The following ABCC12 variants were observed in gnomAD, a reference collection of about 807,000 sequenced individuals.
ABCC12 encodes ATP-binding cassette sub-family C member 12.
ABCC12 carries 142 observed loss-of-function variants against 151.1 expected under a neutral mutation model. The ratio of observed to expected loss-of-function variants is 0.94; its 90% CI spans 0.82 to 1.08. ABCC12 has a LOEUF of 1.08. ABCC12 is among the 50% of genes least tolerant of loss of function. The pLI is 0.00. For missense variants in ABCC12, 1,638 were observed against 1,691.1 expected, an observed-to-expected ratio of 0.97 and a Z score of 0.55; for synonymous variants, 645 against 646.4, an observed-to-expected ratio of 1.00 and a Z score of 0.03.
At chr16:48,154,526 C>T (rs763508265) in intron 1 of ABCC12, among the ~76,000 whole-genome samples, 1 of 152,178 alleles carries the variant, frequency 6.6e-6, no homozygotes, top group African/African-American at 2.4e-5. Flanking sequence ...TCCTTACTGT[C>T]TCTGTGACTC....
chr16:48,114,114 G>A (rs1222278723), intron 15 of ABCC12, among the ~76,000 whole-genome samples: 1 of 152,192 alleles, frequency 6.6e-6, no homozygotes, highest in Non-Finnish European at 1.5e-5. Context: ...AGGAGCTCTT[G>A]CCCACACCAG....
chr16:48,094,605 T>G (rs547646467), intron 24 of ABCC12, among the ~76,000 whole-genome samples: 1 of 152,312 alleles, frequency 6.6e-6, no homozygotes, highest in East Asian at 1.9e-4. Flanking sequence ...AGTTGGACCC[T>G]TTATCCCTAG....
Position 48,140,884 on chromosome 16 carries a change from T to TC in ABCC12, c.459dup (p.Arg154GlufsTer51). On this transcript the variant is annotated frameshift_variant, in exon 6 of 31. Coordinates refer to ENST00000311303, the MANE Select transcript of ABCC12 (RefSeq NM_001393797.1). LOFTEE classifies it high-confidence loss of function. The stretch of plus-strand genomic sequence containing the variant: ...CCAACCCAGACTTTCCCAGAGGTCC[T>TC]CTCAGTCTGCTGGAGGATTTGGTGA... The TC allele has an allele frequency of 6.2e-7, 1 of 1,614,096 alleles. No individual in the cohort carries two copies. Among genetic ancestry groups the TC allele is most frequent in the East Asian group, 2.2e-5 (1 of 44,884 alleles).
Position 48,088,013 on chromosome 16 carries a change from A to C in ABCC12, c.3548T>G (p.Val1183Gly), listed in dbSNP as rs780302464. The C allele has an allele frequency of 6.8e-6, 11 of 1,614,072 alleles. No homozygotes were observed. In the African/African-American group the frequency reaches 8.0e-5, roughly 12 times the overall value. The change falls in exon 27 of 31, where the codon GTG (valine) becomes GGG (glycine). Residue 1183 changes from valine to glycine, a missense_variant. Transcript: ENST00000311303. ...PASGTIFIDE[V>G]DICILSLEDL... is the part of the protein sequence containing the mutation. The stretch of plus-strand genomic sequence containing the variant: ...TTCCAAGCTGAGAATGCAGATATCC[A>C]CCTCATCAATAAAGATTGTGCCACT...
At position 48,130,782 on chromosome 16, in the gene ABCC12, T is replaced by C; in HGVS notation, c.1236+6A>G. ...CTCTTCCCTACTCACCCAGGGTTAGTTATACCTTCATTCTCCTTAGAGAGA... is the reference window on the plus strand; with the variant it reads ...CTCTTCCCTACTCACCCAGGGTTAGCTATACCTTCATTCTCCTTAGAGAGA... On this transcript the variant is annotated splice_donor_region_variant and intron_variant, in intron 10 of 30. Coordinates refer to ENST00000311303, the MANE Select transcript of ABCC12 (RefSeq NM_001393797.1). The C allele has an allele frequency of 6.3e-7, 1 of 1,598,032 alleles. No homozygotes were observed. Among genetic ancestry groups the C allele is most frequent in the African/African-American group, 1.3e-5 (1 of 74,792 alleles).
intron 3 of ABCC12, 139 bp from the exon 4 acceptor site, chr16:48,144,204 C>T: frequency 8.8e-7 from 1 of 1,137,354 alleles, no homozygotes; most frequent in African/African-American, 1.6e-5. Flanking sequence ...GTTTATTAGC[C>T]CTTTGAGCAG....
chr16:48,121,661 T>C (rs907573146), intron 13 of ABCC12, 55 bp downstream of exon 13: 7 of 1,606,806 alleles, frequency 4.4e-6, no homozygotes, highest in Non-Finnish European at 4.3e-6. Context: ...TCAGCATCTG[T>C]AGGAGAGTGT....
At chr16:48,112,073 C>G (rs1387760516) in intron 15 of ABCC12, among the ~76,000 whole-genome samples, 163 bp from the exon 16 acceptor site, 1 of 152,060 alleles carries the variant, frequency 6.6e-6, no homozygotes, top group East Asian at 1.9e-4. Context: ...CCTCCCTGGC[C>G]TCTACCCCAC....
intron 25 of ABCC12, among the ~76,000 whole-genome samples, chr16:48,090,639 C>T (rs192772051): frequency 6.6e-6 from 1 of 152,270 alleles, no homozygotes; most frequent in East Asian, 1.9e-4. Context: ...AAGAACCTCA[C>T]ATTCAACAAC....
chr16:48,126,713 AG>A (rs1964251470), intron 11 of ABCC12, among the ~76,000 whole-genome samples: 1 of 152,214 alleles, frequency 6.6e-6, no homozygotes, highest in Non-Finnish European at 1.5e-5. Context: ...TCAAGCAGCT[AG>A]GAAGTGGCTG....
intron 27 of ABCC12, 62 bp from the exon 28 acceptor site, chr16:48,086,881 GAGCAGGTTTTCTGT>G (rs1167303895): frequency 4.2e-6 from 6 of 1,422,914 alleles, no homozygotes; most frequent in Non-Finnish European, 5.9e-6. Flanking sequence ...GATGGATGCG[GAGCAGGTTTTCTGT>G]AGCATGTGGA....
At chr16:48,134,482 A>AT (rs1331735964) in intron 8 of ABCC12, among the ~76,000 whole-genome samples, 1 of 152,228 alleles carries the variant, frequency 6.6e-6, no homozygotes, top group Non-Finnish European at 1.5e-5. Flanking sequence ...ATCTTAACAT[A>AT]TGTCCTTGAG....
At chr16:48,102,149 T>C (rs1963329989) in intron 22 of ABCC12, among the ~76,000 whole-genome samples, 1 of 152,072 alleles carries the variant, frequency 6.6e-6, no homozygotes, top group African/African-American at 2.4e-5. Flanking sequence ...CAGATGTACC[T>C]TTGATTAGTC....
rs765595377 is a variant in ABCC12, at chr16:48,139,232, G to C, written c.762C>G (p.Tyr254Ter). 5.0e-6 allele frequency: 8 copies of C among 1,614,020 alleles called. No homozygotes were observed. The highest frequency in any genetic ancestry group is 2.7e-5 in the African/African-American group (2 of 74,926). The change falls in exon 7 of 31, where the codon TAC (tyrosine) becomes TAG (stop). Residue 254 changes from tyrosine (Y) to a stop codon, truncating the protein, a stop_gained. Coordinates refer to ENST00000311303, the MANE Select transcript of ABCC12 (RefSeq NM_001393797.1). LOFTEE classifies it high-confidence loss of function. ...CTGTGGGCCCCAGAATGAAAAAGGC[G>C]TACGCCGCACAAAAGACCATTAGGA... Reference protein sequence around the residue: ...IPILMVFCAAYAFFILGPTAL... With the variant: ...IPILMVFCAA
chr16:48,116,866 C>G (rs771851193), intron 14 of ABCC12, among the ~76,000 whole-genome samples: 3 of 152,062 alleles, frequency 2.0e-5, no homozygotes, highest in African/African-American at 7.2e-5. Context: ...GGACAAGCAC[C>G]CCAGGGGGCA....
rs758154476 is a variant in ABCC12, at chr16:48,087,954, C to T, written c.3607G>A (p.Asp1203Asn). 1.9e-6 allele frequency: 3 copies of T among 1,614,104 alleles called. No individual in the cohort carries two copies. The highest frequency in any genetic ancestry group is 1.7e-6 in the Non-Finnish European group (2 of 1,179,998). The part of the protein sequence containing the change: ...LRTKLTVIPQ[D>N]PVLFVGTVRY... ...ACTGTACCTACAAACAGGACAGGAT[C>T]CTGTGGGATCACAGTCAGCTTGGTT... Residue 1203 changes from aspartate to asparagine, a missense_variant, in exon 27 of 31, where the codon GAT becomes AAT. Transcript: ENST00000311303.
chr16:48,152,099 TG>T (rs1442342413), intron 2 of ABCC12, among the ~76,000 whole-genome samples: 4 of 152,286 alleles, frequency 2.6e-5, no homozygotes, highest in Admixed American at 1.3e-4. Context: ...AAACCTTCCT[TG>T]GATCCTTTTC....
At chr16:48,143,805 T>C (rs951332396) in intron 4 of ABCC12, 105 bp downstream of exon 4, 2 of 1,405,454 alleles carry the variant, frequency 1.4e-6, no homozygotes, top group African/African-American at 1.4e-5. Context: ...CATGGAACTG[T>C]GAGTCCATTA....
intron 4 of ABCC12, 70 bp downstream of exon 4, chr16:48,143,840 C>G: frequency 6.6e-7 from 1 of 1,514,556 alleles, no homozygotes; most frequent in East Asian, 2.4e-5. Context: ...TATAAATTAC[C>G]CACTCTCAGG....
Sources: gnomAD v4.1 joint callset for allele counts (sites outside exome capture counted in the v4.1 genomes callset) on GRCh38, gnomAD v4.1.1 for gene constraint, MANE v1.5 for transcripts, NCBI Gene and HGNC (gene_info 2026-07-23, HGNC 2026-07-21) for gene names.